The following SLAMF1 variants were observed in gnomAD, a reference collection of about 807,000 sequenced individuals.
SLAMF1 encodes signaling lymphocytic activation molecule family member 1.
SLAMF1 carries 18 observed loss-of-function variants against 35.1 expected under a neutral mutation model. That is an observed-to-expected ratio of 0.51 (90% CI 0.35 to 0.76). The LOEUF is 0.76. Among genes scored for constraint, SLAMF1 ranks in the 30% least tolerant of loss-of-function variants. The pLI is 0.01. For missense variants in SLAMF1, 392 were observed against 413.0 expected, an observed-to-expected ratio of 0.95 and a Z score of 0.44; for synonymous variants, 168 against 157.2, an observed-to-expected ratio of 1.07 and a Z score of -0.51.
At chr1:160,645,266 C>T (rs893064616) in intron 1 of SLAMF1, among the ~76,000 whole-genome samples, 1 of 152,194 alleles carries the variant, frequency 6.6e-6, no homozygotes, top group Non-Finnish European at 1.5e-5. Flanking sequence ...TCATGACTAA[C>T]CTGCCCCATT....
rs59676823 is a variant in SLAMF1, at chr1:160,621,855, C to CGTGTGTGTGTGTGTGT, written c.791-2022_791-2007dup. Among the ~76,000 whole-genome samples, 1,104 of 145,272 alleles carry CGTGTGTGTGTGTGTGT rather than the reference C, an allele frequency of 7.6e-3. 12 individuals carry two copies. The highest frequency in any genetic ancestry group is 0.026 in the African/African-American group (1,018 of 38,470). ...CCTGACTGAGGAGTGTGCGTGAGTG[C>CGTGTGTGTGTGTGTGT]GTGTGTGTGTGTGTGTGTGTGTGTG... is the stretch of plus-strand genomic sequence containing the variant. On this transcript the variant is annotated intron_variant, in intron 4 of 6. Transcript: ENST00000302035.
At position 160,642,824 on chromosome 1, in the gene SLAMF1, G is replaced by A. The variant is rs1000744769; in HGVS notation, c.76+4046C>T. Among the ~76,000 whole-genome samples the A allele has an allele frequency of 1.3e-5, 2 of 152,132 alleles. No individual in the cohort carries two copies. Among genetic ancestry groups the A allele is most frequent in the Admixed American group, 1.3e-4 (2 of 15,278 alleles). On this transcript the variant is annotated intron_variant, in intron 1 of 6. Transcript: ENST00000302035. This position sits in a 1 kb window ranked among gnomAD's most constrained non-coding sequence, Gnocchi z 4.2. ...AGGTTTCAGGTACAACAGACAACTT[G>A]CCAAGAACACTTGAAACCCTTTACC...
chr1:160,619,892 A>C lies in SLAMF1; in HGVS notation c.791-43T>G, dbSNP rs6693001. 2.2e-3 allele frequency: 2,944 copies of C among 1,329,202 alleles called. 62 individuals carry two copies. The African/African-American group carries it at 0.037, about 17-fold the overall frequency. The allele number at this position is 1,329,202 out of a possible 1,614,324, so 82.3% of individuals were successfully genotyped here. ...TAATGGTTATCTCCCTCTGGTCCCC[A>C]GCAGGAGCTCCTTACTCAGACCTGG... On this transcript the variant is annotated intron_variant, in intron 4 of 6. Coordinates refer to ENST00000302035, the MANE Select transcript of SLAMF1 (RefSeq NM_003037.5).
chr1:160,626,490 A>ACT (rs1659887513), intron 3 of SLAMF1, among the ~76,000 whole-genome samples: 1 of 152,160 alleles, frequency 6.6e-6, no homozygotes, highest in Non-Finnish European at 1.5e-5. Context: ...TATTTCATAA[A>ACT]CTCTAATTTT....
intron 3 of SLAMF1, among the ~76,000 whole-genome samples, chr1:160,632,629 C>T (rs921921813): frequency 1.3e-5 from 2 of 152,196 alleles, no homozygotes; most frequent in African/African-American, 4.8e-5. Context: ...GAAGAAAGTT[C>T]TGCCCCTTTT....
intron 3 of SLAMF1, among the ~76,000 whole-genome samples, chr1:160,631,281 G>A (rs1347542038): frequency 2.6e-5 from 4 of 152,246 alleles, no homozygotes; most frequent in African/African-American, 9.6e-5. Flanking sequence ...GTGTGATCTG[G>A]TTCTGAGGCA....
rs1056991007 is a variant in SLAMF1 at position 160,625,942 on chromosome 1, A to G, written c.701-1757T>C. 3.3e-5 allele frequency among the ~76,000 whole-genome samples: 5 copies of G among 152,092 alleles called. 1 individual carries two copies. The highest frequency in any genetic ancestry group is 9.7e-5 in the African/African-American group (4 of 41,402). ...GAACCACTGGAGAAATCACTCTAATACTAGGATAAGAAGCAAAGCCAGTAG... is the reference window on the plus strand; with the variant it reads ...GAACCACTGGAGAAATCACTCTAATGCTAGGATAAGAAGCAAAGCCAGTAG... On this transcript the variant is annotated intron_variant, in intron 3 of 6. Coordinates refer to ENST00000302035, the MANE Select transcript of SLAMF1 (RefSeq NM_003037.5).
In SLAMF1 at chr1:160,637,198, C is replaced by A. The variant is rs1660496066; in HGVS notation, c.408G>T (p.Arg136Ser). 6.2e-7 allele frequency: 1 copy of A among 1,613,292 alleles called. No individual in the cohort carries two copies. Among genetic ancestry groups the A allele is most frequent in the Non-Finnish European group, 8.5e-7 (1 of 1,179,280 alleles). Residue 136 changes from arginine (R) to serine (S), a missense_variant, in exon 2 of 7, where the codon AGG becomes AGT. Coordinates refer to ENST00000302035, the MANE Select transcript of SLAMF1 (RefSeq NM_003037.5). Reference protein sequence around the residue: ...VSVQRFCLQLRLYEQVSTPEI... With the variant: ...VSVQRFCLQLSLYEQVSTPEI... Reference sequence around the variant, plus strand: ...GGAAGCCGCCATTATTACCATAAAGCCTCAACTGCAGGCAAAAGCGCTGAA... The same window carrying A: ...GGAAGCCGCCATTATTACCATAAAGACTCAACTGCAGGCAAAAGCGCTGAA...
intron 5 of SLAMF1, among the ~76,000 whole-genome samples, chr1:160,616,782 A>G (rs576472038): frequency 5.3e-5 from 8 of 152,350 alleles, no homozygotes; most frequent in Non-Finnish European, 7.3e-5. Flanking sequence ...AATTACAGAG[A>G]TGTGGAATAA....
chr1:160,631,119 G>C (rs991923169), intron 3 of SLAMF1, among the ~76,000 whole-genome samples: 1 of 152,220 alleles, frequency 6.6e-6, no homozygotes, highest in African/African-American at 2.4e-5. Context: ...GCACAATGTA[G>C]AGTGTAAATG....
chr1:160,630,371 T>C (rs1660101409), intron 3 of SLAMF1, among the ~76,000 whole-genome samples: 1 of 152,154 alleles, frequency 6.6e-6, no homozygotes, highest in Non-Finnish European at 1.5e-5. Context: ...TCAAGGAACA[T>C]ATAAGTTTTT....
At chr1:160,629,807 G>C (rs932860459) in intron 3 of SLAMF1, among the ~76,000 whole-genome samples, 1 of 152,192 alleles carries the variant, frequency 6.6e-6, no homozygotes, top group Non-Finnish European at 1.5e-5. Flanking sequence ...CCATGACCAG[G>C]CTCTGGGCTG....
chr1:160,643,061 G>A (rs1660837921), intron 1 of SLAMF1, among the ~76,000 whole-genome samples: 1 of 151,848 alleles, frequency 6.6e-6, no homozygotes, highest in Non-Finnish European at 1.5e-5. Context: ...TTCCCCCTAG[G>A]ATGATGTGAT....
At position 160,639,492 on chromosome 1, in the gene SLAMF1, G is replaced by A. The variant is rs552634669; in HGVS notation, c.77-1963C>T. Among the ~76,000 whole-genome samples the A allele has an allele frequency of 5.9e-5, 9 of 152,236 alleles. No homozygotes were observed. In the South Asian group the frequency reaches 1.7e-3, roughly 28 times the overall value. On this transcript the variant is annotated intron_variant, in intron 1 of 6. Transcript: ENST00000302035. ...TCTGCCCGCCTCGGCCTCCCAAAGTGCTGGGATTACAGGCATGAGCCACTG... is the reference window on the plus strand; with the variant it reads ...TCTGCCCGCCTCGGCCTCCCAAAGTACTGGGATTACAGGCATGAGCCACTG...
intron 5 of SLAMF1, among the ~76,000 whole-genome samples, chr1:160,613,518 A>T (rs1659114678): frequency 6.6e-6 from 1 of 152,240 alleles, no homozygotes; most frequent in Admixed American, 6.5e-5. Context: ...TGCGGATGCC[A>T]TCACTTACAA....
rs150911765 is a variant in SLAMF1, at chr1:160,624,175, T to C, written c.711A>G (p.Pro237=). 3 of 1,607,026 alleles carry C rather than the reference T, an allele frequency of 1.9e-6. No individual in the cohort carries two copies. Among genetic ancestry groups the C allele is most frequent in the South Asian group, 1.1e-5 (1 of 89,664 alleles). Residue 237 remains proline, a synonymous_variant, in exon 4 of 7, where the codon CCA becomes CCG. Transcript: ENST00000302035. ...GCRTDPSETK[P]WAVYAGLLGG... ...CTAACAGCCCAGCATACACTGCCCATGGTTTTGTTTCTGGAAAAAAAAAGA... is the reference window on the plus strand; with the variant it reads ...CTAACAGCCCAGCATACACTGCCCACGGTTTTGTTTCTGGAAAAAAAAAGA...
chr1:160,621,896 G>A (rs945310996), intron 4 of SLAMF1, among the ~76,000 whole-genome samples: 1 of 142,064 alleles, frequency 7.0e-6, no homozygotes, highest in African/African-American at 2.6e-5. Context: ...GTAAAATGGA[G>A]GGGAGGACTC....
rs1660805791 is a variant in SLAMF1 at position 160,642,508 on chromosome 1, A to G, written c.76+4362T>C. ...AATCCCCCACTCTTATAAGCTTCCA[A>G]GAGTAGGGACTGTGTCTGTTTTATT... is the stretch of plus-strand genomic sequence containing the variant. On this transcript the variant is annotated intron_variant, in intron 1 of 6. Transcript: ENST00000302035. The surrounding 1 kb of genome is among the most constrained non-coding windows in gnomAD (Gnocchi z 4.2). Among the ~76,000 whole-genome samples, 1 of 152,194 alleles carries G rather than the reference A, an allele frequency of 6.6e-6. No homozygotes were observed. Among genetic ancestry groups the G allele is most frequent in the African/African-American group, 2.4e-5 (1 of 41,442 alleles).
In SLAMF1 at chr1:160,646,964, A is replaced by G; in HGVS notation, c.-19T>C. Reference sequence around the variant, plus strand: ...GATCCATCAGCCAATGAGGAGAAGGAAGGGATCCTGGCCGGAGCCTGGCAG... The same window carrying G: ...GATCCATCAGCCAATGAGGAGAAGGGAGGGATCCTGGCCGGAGCCTGGCAG... On this transcript the variant is annotated 5_prime_UTR_variant, in exon 1 of 7. Coordinates refer to ENST00000302035, the MANE Select transcript of SLAMF1 (RefSeq NM_003037.5). 6.9e-7 allele frequency: 1 copy of G among 1,454,716 alleles called. No homozygotes were observed. Among genetic ancestry groups the G allele is most frequent in the South Asian group, 1.1e-5 (1 of 87,252 alleles). 90.1% of individuals were successfully genotyped at this position (1,454,716 alleles called of 1,614,324 possible).
Sources: gnomAD v4.1 joint callset for allele counts (sites outside exome capture counted in the v4.1 genomes callset) on GRCh38, gnomAD v4.1.1 for gene constraint, Gnocchi (gnomAD v3.1) non-coding constraint, MANE v1.5 for transcripts, NCBI Gene and HGNC (gene_info 2026-07-23, HGNC 2026-07-21) for gene names.